Variants in UBN2 observed in about 807,000 individuals in gnomAD.
The protein encoded by UBN2 is ubinuclein-2.
A neutral mutation model predicts 120.2 loss-of-function variants in UBN2; 35 were observed. That is an observed-to-expected ratio of 0.29 (90% CI 0.22 to 0.39). The LOEUF is 0.39. UBN2 is among the 10% of genes least tolerant of loss of function. The pLI is 1.00. For synonymous variants in UBN2, 661 were observed against 648.7 expected, an observed-to-expected ratio of 1.02 and a Z score of -0.29; for missense variants, 1,693 against 1,663.2, an observed-to-expected ratio of 1.02 and a Z score of -0.31.
intron 2 of UBN2, among the ~76,000 whole-genome samples, chr7:139,247,458 C>T (rs1414430390): frequency 6.6e-6 from 1 of 152,152 alleles, no homozygotes; most frequent in Non-Finnish European, 1.5e-5. Flanking sequence ...GGTTCTATAA[C>T]TTCTCATATA....
chr7:139,281,940 G>A (rs1173382518), intron 13 of UBN2, 65 bp from the exon 14 acceptor site: 3 of 1,528,536 alleles, frequency 2.0e-6, no homozygotes, highest in Admixed American at 3.4e-5. Context: ...TAAAAGCTTA[G>A]AAAAAATACT....
intron 2 of UBN2, among the ~76,000 whole-genome samples, chr7:139,238,559 G>A (rs1296507608): frequency 6.6e-6 from 1 of 152,116 alleles, no homozygotes; most frequent in Non-Finnish European, 1.5e-5. Context: ...GAGTAGCTGG[G>A]ATTACAGGCA....
rs1368259480 is a variant in UBN2, at chr7:139,252,020, A to G, written c.626A>G (p.Tyr209Cys). Reference protein sequence around the residue: ...LQDLIDIGFGYDETDPFIDNS... With the variant: ...LQDLIDIGFGCDETDPFIDNS... Reference sequence around the variant, plus strand: ...GATTTAATTGATATAGGCTTTGGCTATGATGAGACAGATCCATTTATTGAT... The same window carrying G: ...GATTTAATTGATATAGGCTTTGGCTGTGATGAGACAGATCCATTTATTGAT... Residue 209 changes from tyrosine (Y) to cysteine (C), a missense_variant, in exon 3 of 18, where the codon TAT (tyrosine) becomes TGT (cysteine). Tyr to Cys is a radical substitution (Grantham distance 194). Coordinates refer to ENST00000473989, the MANE Select transcript of UBN2 (RefSeq NM_173569.4). 1 of 1,614,072 alleles carries G rather than the reference A, an allele frequency of 6.2e-7. No homozygotes were observed. Among genetic ancestry groups the G allele is most frequent in the Non-Finnish European group, 8.5e-7 (1 of 1,180,014 alleles).
At chr7:139,259,236 C>A (rs903029699) in intron 4 of UBN2, 31 bp from the exon 5 acceptor site, 1 of 1,607,300 alleles carries the variant, frequency 6.2e-7, no homozygotes, top group Non-Finnish European at 8.5e-7. Flanking sequence ...TTGTTACTTA[C>A]ATAAATGATC....
Position 139,283,214 on chromosome 7 carries a change from T to A in UBN2, c.2309T>A (p.Val770Asp). Residue 770 changes from valine (V) to aspartate (D), a missense_variant, in exon 15 of 18, where the codon GTT (valine) becomes GAT (aspartate). Physicochemically the swap from Val to Asp is radical, Grantham distance 152 (BLOSUM62 -3). Around this residue, in one of 5 missense-constraint regions of UBN2, gnomAD observed 837 missense variants for 817.6 expected, o/e 1.02. Coordinates refer to ENST00000473989, the MANE Select transcript of UBN2 (RefSeq NM_173569.4). ...LSFHSPSLDLVSEALAVINNG... is the reference protein window; with the variant it reads ...LSFHSPSLDLDSEALAVINNG... ...TTCCATTCACCTTCACTGGATCTTG[T>A]TTCTGAAGCTTTAGCGGTTATCAAC... 6.2e-7 allele frequency: 1 copy of A among 1,612,924 alleles called. No homozygotes were observed. The highest frequency in any genetic ancestry group is 8.5e-7 in the Non-Finnish European group (1 of 1,179,892).
chr7:139,234,520 C>A (rs1370470861), intron 1 of UBN2, among the ~76,000 whole-genome samples: 7 of 152,074 alleles, frequency 4.6e-5, no homozygotes, highest in Non-Finnish European at 1.0e-4. Context: ...AACCTTTAAC[C>A]TTATTGTCTC....
chr7:139,275,183 C>T (rs1797404888), intron 11 of UBN2, among the ~76,000 whole-genome samples: 1 of 145,492 alleles, frequency 6.9e-6, no homozygotes, highest in Non-Finnish European at 1.5e-5. Context: ...GAGGCTGAGG[C>T]AGGAAAATCA....
chr7:139,238,454 GT>G, intron 2 of UBN2, among the ~76,000 whole-genome samples: 1 of 152,094 alleles, frequency 6.6e-6, no homozygotes, highest in Admixed American at 6.5e-5. Flanking sequence ...CTAAGACAGA[GT>G]CTCTGTCACT....
the UBN2 span, among the ~76,000 whole-genome samples, chr7:139,324,119 C>T: frequency 1.3e-5 from 2 of 152,148 alleles, no homozygotes; most frequent in Admixed American, 6.6e-5. Flanking sequence ...CACTCAATTC[C>T]TGTCCGCTTG....
chr7:139,314,804 C>T, the UBN2 span, among the ~76,000 whole-genome samples: 1 of 150,030 alleles, frequency 6.7e-6, no homozygotes, highest in African/African-American at 2.4e-5. Context: ...TTGATTGTAA[C>T]CTCCAGTGTG....
At chr7:139,324,644 C>T in the UBN2 span, among the ~76,000 whole-genome samples, 5 of 150,166 alleles carry the variant, frequency 3.3e-5, no homozygotes, top group African/African-American at 1.2e-4. Context: ...TATCACTGTG[C>T]AATTTTGTTG....
In UBN2 at chr7:139,300,011, T is replaced by G. The variant is rs1478007881; in HGVS notation, c.*2175T>G. The G allele has an allele frequency of 6.6e-6, 1 of 152,182 alleles. No homozygotes were observed. Among genetic ancestry groups the G allele is most frequent in the African/African-American group, 2.4e-5 (1 of 41,452 alleles). The allele number at this position is 152,182 out of a possible 1,614,324, so 9.4% of individuals were successfully genotyped here. ...ACATACACACATACATTCATATAAA[T>G]GACTAGTTTGAGTCAAAAAATCATT... On this transcript the variant is annotated 3_prime_UTR_variant, in exon 18 of 18. Transcript: ENST00000473989.
In UBN2 at chr7:139,261,296, G is replaced by A. The variant is rs1796924412; in HGVS notation, c.950G>A (p.Arg317His). 6.2e-7 allele frequency: 1 copy of A among 1,612,268 alleles called. No individual in the cohort carries two copies. The highest frequency in any genetic ancestry group is 1.7e-5 in the Admixed American group (1 of 59,374). ...CACAAGTCTGAAAAAAAGAAGAAAC[G>A]TTATAAAGATTCTCTTTCTCTAGCT... ...NSHKSEKKKK[R>H]YKDSLSLAAM... Residue 317 changes from arginine to histidine, a missense_variant, in exon 6 of 18, where the codon CGT becomes CAT. By Grantham distance (29) the Arg-to-His change is conservative. This residue lies in a region of UBN2 where 663 missense variants were observed against 591.2 expected (regional missense o/e 1.12). Coordinates refer to ENST00000473989, the MANE Select transcript of UBN2 (RefSeq NM_173569.4).
At chr7:139,282,095 A>C in intron 14 of UBN2, 40 bp downstream of exon 14, 1 of 1,589,810 alleles carries the variant, frequency 6.3e-7, no homozygotes, top group Non-Finnish European at 8.6e-7. Context: ...GTAATATAAC[A>C]CTCTAGGTTT....
chr7:139,231,895 C>T lies in UBN2; in HGVS notation c.411C>T (p.Thr137=), dbSNP rs546931831. The T allele has an allele frequency of 8.8e-6, 14 of 1,586,860 alleles. No individual in the cohort carries two copies. In the Admixed American group the frequency reaches 1.7e-4, roughly 19 times the overall value. The change falls in exon 1 of 18, where the codon ACC becomes ACT. Residue 137 remains threonine, a synonymous_variant. Transcript: ENST00000473989. ...VRLELVLKDP[T]DESCVEFSYP... is the part of the protein sequence containing the mutation. The stretch of plus-strand genomic sequence containing the variant: ...TGGAGCTGGTGCTTAAGGACCCCAC[C>T]GACGAGAGCTGCGTGGAGTTCAGTT...
At chr7:139,328,887 G>T in the UBN2 span, among the ~76,000 whole-genome samples, 1 of 150,384 alleles carries the variant, frequency 6.6e-6, no homozygotes, top group Non-Finnish European at 1.5e-5. Context: ...AAAGAAATTA[G>T]AAACCCATCA....
intron 2 of UBN2, among the ~76,000 whole-genome samples, chr7:139,240,700 T>G (rs1369895147): frequency 6.6e-6 from 1 of 152,140 alleles, no homozygotes; most frequent in Non-Finnish European, 1.5e-5. Flanking sequence ...GCATTGAATT[T>G]ATGGGGTTCC....
chr7:139,287,970 T>G (rs1797840303), intron 15 of UBN2, among the ~76,000 whole-genome samples: 1 of 152,216 alleles, frequency 6.6e-6, no homozygotes, highest in Non-Finnish European at 1.5e-5. Context: ...GTTAAACTCC[T>G]TCTGGGTTCA....
In UBN2 at chr7:139,261,235, C is replaced by T; in HGVS notation, c.906-17C>T. 5.1e-6 allele frequency: 8 copies of T among 1,581,122 alleles called. No individual in the cohort carries two copies. Among genetic ancestry groups the T allele is most frequent in the Non-Finnish European group, 6.9e-6 (8 of 1,167,616 alleles). ...TAAAATCACACATAGCCTAACTGAT[C>T]ATTTTTGTCTTCACAGAGTTGTGGC... On this transcript the variant is annotated splice_polypyrimidine_tract_variant and intron_variant, in intron 5 of 17. Coordinates refer to ENST00000473989, the MANE Select transcript of UBN2 (RefSeq NM_173569.4).
Sources: allele counts gnomAD v4.1 joint callset (sites outside exome capture counted in the v4.1 genomes callset), GRCh38; gene constraint gnomAD v4.1.1; regional missense constraint gnomAD v4.1.1; transcripts MANE v1.5; gene names NCBI Gene and HGNC (gene_info 2026-07-23, HGNC 2026-07-21).